NUP98: variants seen among roughly 807,000 people sequenced by gnomAD.
NUP98 encodes nuclear pore complex protein Nup98-Nup96.
A neutral mutation model predicts 191.9 loss-of-function variants in NUP98; 26 were observed. The ratio of observed to expected loss-of-function variants is 0.14; its 90% CI spans 0.10 to 0.19. NUP98 has a LOEUF of 0.19. Ranked by LOEUF, NUP98 falls within the 10% of genes least tolerant of loss-of-function variation. The probability of loss-of-function intolerance (pLI) is 1.00; values close to 1 mark genes in which losing one functional copy is unlikely to be tolerated. For missense variants in NUP98, 1,941 were observed against 2,178.8 expected (o/e 0.89, Z 2.17); for synonymous variants, 808 against 778.4 (o/e 1.04, Z -0.63).
intron 14 of NUP98, among the ~76,000 whole-genome samples, chr11:3,729,091 G>A (rs528766170): frequency 6.4e-4 from 97 of 152,234 alleles, no homozygotes; most frequent in Non-Finnish European, 1.1e-3. Context: ...TGTAGAGTAG[G>A]GTAAGATACA....
chr11:3,735,351 A>G (rs765150044), intron 12 of NUP98, 27 bp from the exon 13 acceptor site: 1 of 1,080,732 alleles, frequency 9.3e-7, no homozygotes, highest in Non-Finnish European at 1.2e-6. Context: ...AAGAAAACAA[A>G]ATATATATAT....
intron 28 of NUP98, among the ~76,000 whole-genome samples, chr11:3,687,377 T>C (rs1003386877): frequency 6.6e-6 from 1 of 152,268 alleles, no homozygotes; most frequent in Non-Finnish European, 1.5e-5. Flanking sequence ...AGCAGTAGTT[T>C]TGAAATTTTG....
chr11:3,686,979 AAAT>A (rs34589257), intron 28 of NUP98, among the ~76,000 whole-genome samples: 7 of 152,056 alleles, frequency 4.6e-5, no homozygotes, highest in East Asian at 1.9e-4. Flanking sequence ...CTCCAACTCA[AAAT>A]AATAATAATA....
chr11:3,764,290 T>C (rs2134539577), intron 8 of NUP98, among the ~76,000 whole-genome samples: 1 of 152,384 alleles, frequency 6.6e-6, no homozygotes, highest in South Asian at 2.1e-4. Context: ...TTCATTCCAA[T>C]TTATGGTTGA....
At position 3,748,209 on chromosome 11, in the gene NUP98, G is replaced by A. The variant is rs147679161; in HGVS notation, c.1268-3560C>T. Reference sequence around the variant, plus strand: ...AGAATTATAGAGTCTTGGAATATGGGGGAAGACATTGCTAATCATAACCTA... The same window carrying A: ...AGAATTATAGAGTCTTGGAATATGGAGGAAGACATTGCTAATCATAACCTA... On this transcript the variant is annotated intron_variant, in intron 11 of 32. Transcript: ENST00000324932. Among the ~76,000 whole-genome samples, 831 of 152,276 alleles carry A rather than the reference G, an allele frequency of 5.5e-3. 8 individuals are homozygous for A. Among genetic ancestry groups the A allele is most frequent in the Middle Eastern group, 0.014 (4 of 294 alleles).
chr11:3,684,798 A>C lies in NUP98; in HGVS notation c.4676+1175T>G, dbSNP rs944015884. ...AAAAAAAAAAAAAAAAAAAAAAAAA[A>C]GGCTTAGGCTTAGAGAGTTAAGAGA... is the stretch of plus-strand genomic sequence containing the variant. On this transcript the variant is annotated intron_variant, in intron 29 of 32. Transcript: ENST00000324932. Among the ~76,000 whole-genome samples, 8 of 134,314 alleles carry C rather than the reference A, an allele frequency of 6.0e-5. 1 individual carries two copies. Among genetic ancestry groups the C allele is most frequent in the Non-Finnish European group, 1.3e-4 (8 of 63,588 alleles). 88.1% of individuals were successfully genotyped at this position (134,314 alleles called of 152,430 possible). A position where few individuals can be genotyped will look rare whatever the true frequency, so the allele number is the denominator to read the frequency against.
chr11:3,778,892 A>G lies in NUP98; in HGVS notation c.336T>C (p.Asn112=). The G allele has an allele frequency of 6.2e-7, 1 of 1,614,124 alleles. No individual in the cohort carries two copies. Among genetic ancestry groups the G allele is most frequent in the Non-Finnish European group, 8.5e-7 (1 of 1,180,022 alleles). Residue 112 remains asparagine, a synonymous_variant, in exon 4 of 33, where the codon AAT becomes AAC. Coordinates refer to ENST00000324932, the MANE Select transcript of NUP98 (RefSeq NM_016320.5). The part of the protein sequence containing the change: ...FSSQNNAFAQ[N]KPTGFGNFGT... Reference sequence around the variant, plus strand: ...ACTTACTGCCAAAGCCAGTTGGTTTATTTTGTGCAAAGGCATTGTTTTGGG... The same window carrying G: ...ACTTACTGCCAAAGCCAGTTGGTTTGTTTTGTGCAAAGGCATTGTTTTGGG...
intron 25 of NUP98, among the ~76,000 whole-genome samples, chr11:3,698,178 T>A (rs527516310): frequency 6.6e-6 from 1 of 152,206 alleles, no homozygotes; most frequent in African/African-American, 2.4e-5. Context: ...AAGAACAGAA[T>A]ATAATACACA....
chr11:3,707,738 C>CACAAAAAAAAAAAAAA (rs1554889252), intron 20 of NUP98, among the ~76,000 whole-genome samples: 3 of 48,568 alleles, frequency 6.2e-5, no homozygotes, highest in African/African-American at 3.4e-4. Flanking sequence ...GACTCTGTCT[C>CACAAAAAAAAAAAAAA]AAAAAAAAAA....
intron 29 of NUP98, among the ~76,000 whole-genome samples, chr11:3,684,125 T>C (rs1306808461): frequency 6.6e-6 from 1 of 151,964 alleles, no homozygotes; most frequent in East Asian, 1.9e-4. Context: ...GGCAGGAGAA[T>C]TGCTTGAACC....
intron 2 of NUP98, among the ~76,000 whole-genome samples, chr11:3,779,711 G>C (rs1388818187): frequency 6.6e-6 from 1 of 151,904 alleles, no homozygotes; most frequent in Non-Finnish European, 1.5e-5. Context: ...AATCCCATCA[G>C]AGTATGAATT....
At chr11:3,791,112 G>T (rs1331791427) in intron 1 of NUP98, among the ~76,000 whole-genome samples, 1 of 151,916 alleles carries the variant, frequency 6.6e-6, no homozygotes, top group Non-Finnish European at 1.5e-5. Context: ...AGCCAGGATG[G>T]TCTCGATCTC....
chr11:3,737,528 G>A (rs1252974096), intron 12 of NUP98, among the ~76,000 whole-genome samples: 1 of 152,140 alleles, frequency 6.6e-6, no homozygotes, highest in Non-Finnish European at 1.5e-5. Flanking sequence ...TCCGGAGGCT[G>A]AGGCAGGAGA....
chr11:3,679,527 A>C lies in NUP98; in HGVS notation c.5073+27T>G, dbSNP rs761361097. The C allele has an allele frequency of 8.1e-6, 13 of 1,613,802 alleles. No homozygotes were observed. In the Admixed American group the frequency reaches 2.2e-4, roughly 27 times the overall value. On this transcript the variant is annotated intron_variant, in intron 31 of 32. Transcript: ENST00000324932. ...TTAAGGGCCTGAGAAAAGGAAAATC[A>C]GGCAGCAGTTTCAGGATCTCAGGTA...
Position 3,706,456 on chromosome 11 carries a change from G to A in NUP98, c.2914C>T (p.His972Tyr). Residue 972 changes from histidine (H) to tyrosine (Y), a missense_variant, in exon 21 of 33, where the codon CAT becomes TAT. By Grantham distance (83) the His-to-Tyr change is moderately conservative. This residue lies in a region of NUP98 where 1,030 missense variants were observed against 1,115.8 expected (regional missense o/e 0.92). Coordinates refer to ENST00000324932, the MANE Select transcript of NUP98 (RefSeq NM_016320.5). ...GGTTAGAACTTCACCTGTAAGACAT[G>A]TGGATTAATTCCCAGTGAAGATGCA... ...HIASSLGINP[H>Y]VLQIMKASLL... The A allele has an allele frequency of 1.2e-6, 2 of 1,614,112 alleles. No individual in the cohort carries two copies. Among genetic ancestry groups the A allele is most frequent in the Non-Finnish European group, 1.7e-6 (2 of 1,179,956 alleles).
chr11:3,782,963 G>A (rs537029107), intron 1 of NUP98, among the ~76,000 whole-genome samples: 12 of 152,242 alleles, frequency 7.9e-5, no homozygotes, highest in African/African-American at 2.6e-4. Flanking sequence ...TGCATGCCCC[G>A]CCTTCTATCT....
intron 8 of NUP98, 116 bp from the exon 9 acceptor site, chr11:3,763,155 A>G: frequency 1.1e-6 from 1 of 900,530 alleles, no homozygotes; most frequent in South Asian, 1.8e-5. Context: ...ATATTAGGCT[A>G]AATAACTTAT....
intron 1 of NUP98, among the ~76,000 whole-genome samples, chr11:3,794,463 G>C (rs1413083401): frequency 6.6e-6 from 1 of 151,992 alleles, no homozygotes; most frequent in Non-Finnish European, 1.5e-5. Context: ...TGGGGCAATG[G>C]GCGCATGCTG....
At chr11:3,698,055 GTC>G (rs544983148) in intron 25 of NUP98, among the ~76,000 whole-genome samples, 163 of 152,180 alleles carry the variant, frequency 1.1e-3, no homozygotes, top group Admixed American at 1.8e-3. Context: ...TTTAAAAAAA[GTC>G]TCAATGTGAA....
Sources: allele counts gnomAD v4.1 joint callset (sites outside exome capture counted in the v4.1 genomes callset), GRCh38; gene constraint gnomAD v4.1.1; regional missense constraint gnomAD v4.1.1; transcripts MANE v1.5; gene names NCBI Gene and HGNC (gene_info 2026-07-23, HGNC 2026-07-21).